The following CAPN5 variants were observed in gnomAD, a reference collection of about 807,000 sequenced individuals.
The protein encoded by CAPN5 is calpain-5.
CAPN5 carries 54 observed loss-of-function variants against 73.0 expected under a neutral mutation model. That is an observed-to-expected ratio of 0.74 (90% CI 0.59 to 0.93). The LOEUF (loss-of-function observed/expected upper bound fraction) is 0.93. CAPN5 is among the 40% of genes least tolerant of loss of function. CAPN5 has a pLI of 0.00. For missense variants in CAPN5, 785 were observed against 882.9 expected, an observed-to-expected ratio of 0.89 and a Z score of 1.41; for synonymous variants, 335 against 356.9, an observed-to-expected ratio of 0.94 and a Z score of 0.69.
At chr11:77,072,537 G>A (rs374207947) in intron 1 of CAPN5, among the ~76,000 whole-genome samples, 3 of 152,196 alleles carry the variant, frequency 2.0e-5, no homozygotes, top group South Asian at 2.1e-4. Flanking sequence ...GTCACTGCCC[G>A]AGGGAGGGGT....
At chr11:77,089,789 G>A (rs993779658) in intron 2 of CAPN5, among the ~76,000 whole-genome samples, 3 of 152,146 alleles carry the variant, frequency 2.0e-5, no homozygotes, top group East Asian at 1.9e-4. Flanking sequence ...CAGGAGAATC[G>A]TTTGAACCCA....
chr11:77,102,878 G>C, intron 3 of CAPN5: 1 of 1,610,162 alleles, frequency 6.2e-7, no homozygotes, highest in Non-Finnish European at 8.5e-7. Flanking sequence ...AGCTGGACAT[G>C]CCGCTGGTCC....
chr11:77,103,814 C>T (rs114927569), intron 3 of CAPN5, among the ~76,000 whole-genome samples: 2,678 of 152,328 alleles, frequency 0.018, 83 homozygotes, highest in African/African-American at 0.061. Context: ...TGCCCTTTGC[C>T]GGAGCCTGTG....
At chr11:77,067,987 A>G (rs782341435) in intron 1 of CAPN5, among the ~76,000 whole-genome samples, 2 of 151,718 alleles carry the variant, frequency 1.3e-5, no homozygotes, top group South Asian at 2.1e-4. Flanking sequence ...TTCTCCCTAC[A>G]CCTGTGGTTT....
rs544668951 is a variant in CAPN5, at chr11:77,101,134, C to G, written c.297+7321C>G. Among the ~76,000 whole-genome samples, 27 of 152,328 alleles carry G rather than the reference C, an allele frequency of 1.8e-4. No individual in the cohort carries two copies. In the South Asian group the frequency reaches 5.6e-3, roughly 32 times the overall value. ...AGTGTCATTCACTCATTCATCCGTT[C>G]ATTCATTCATTCATTCGATCATTCG... On this transcript the variant is annotated intron_variant, in intron 3 of 12. Coordinates refer to ENST00000648180, the MANE Select transcript of CAPN5 (RefSeq NM_004055.5).
chr11:77,068,576 G>T lies in CAPN5; in HGVS notation c.-36+1482G>T, dbSNP rs192224363. Among the ~76,000 whole-genome samples the T allele has an allele frequency of 3.7e-3, 563 of 152,294 alleles. 11 individuals carry two copies. The highest frequency in any genetic ancestry group is 0.034 in the Admixed American group (523 of 15,290). ...AATGAATGCTGGTGGGGTGGATTGC[G>T]GATTAGATAGGTCAGATGTGTGTCC... On this transcript the variant is annotated intron_variant, in intron 1 of 12. Coordinates refer to ENST00000648180, the MANE Select transcript of CAPN5 (RefSeq NM_004055.5).
intron 4 of CAPN5, 168 bp downstream of exon 4, chr11:77,112,965 C>A: frequency 1.5e-6 from 1 of 667,438 alleles, no homozygotes; most frequent in Non-Finnish European, 2.6e-6. Flanking sequence ...TCAGCTGAGC[C>A]TGTGCTGGGT....
At position 77,122,057 on chromosome 11, in the gene CAPN5, C is replaced by G; in HGVS notation, c.1603+8C>G. On this transcript the variant is annotated splice_region_variant and intron_variant, in intron 11 of 12. Coordinates refer to ENST00000648180, the MANE Select transcript of CAPN5 (RefSeq NM_004055.5). ...TCAAGGACTCCCCAACAGGTGAGCT[C>G]TCCCAGGGAGAGTCCCCCGGCCCTC... 6.6e-7 allele frequency: 1 copy of G among 1,513,370 alleles called. No homozygotes were observed. 93.7% of individuals were successfully genotyped at this position (1,513,370 alleles called of 1,614,324 possible). A position where few individuals can be genotyped will look rare whatever the true frequency, so the allele number is the denominator to read the frequency against.
At chr11:77,112,305 G>A (rs561753300) in intron 3 of CAPN5, among the ~76,000 whole-genome samples, 34 of 152,148 alleles carry the variant, frequency 2.2e-4, no homozygotes, top group African/African-American at 7.7e-4. Flanking sequence ...CGGAAGTCTC[G>A]GGGAAGGTTG....
At chr11:77,092,475 G>A (rs544123692) in intron 2 of CAPN5, among the ~76,000 whole-genome samples, 6 of 152,368 alleles carry the variant, frequency 3.9e-5, no homozygotes, top group African/African-American at 1.4e-4. Flanking sequence ...GCAGGGTCAG[G>A]TGCAGAGGGC....
chr11:77,085,803 G>C (rs1477851019), intron 2 of CAPN5, among the ~76,000 whole-genome samples: 2 of 152,166 alleles, frequency 1.3e-5, no homozygotes, highest in Non-Finnish European at 2.9e-5. Flanking sequence ...TGCAGAATGG[G>C]GTCCCTGGTG....
At chr11:77,112,073 G>A (rs782296963) in intron 3 of CAPN5, among the ~76,000 whole-genome samples, 2 of 152,184 alleles carry the variant, frequency 1.3e-5, no homozygotes, top group Admixed American at 6.5e-5. Flanking sequence ...TGCAGACACT[G>A]CTACAGTTGT....
In CAPN5 at chr11:77,119,044, C is replaced by A. The variant is rs1555042244; in HGVS notation, c.1182C>A (p.Val394=). 2 of 1,613,592 alleles carry A rather than the reference C, an allele frequency of 1.2e-6. No individual in the cohort carries two copies. The highest frequency in any genetic ancestry group is 3.3e-5 in the Admixed American group (2 of 59,984). Residue 394 remains valine (V), a synonymous_variant, in exon 9 of 13, where the codon GTC becomes GTA. Transcript: ENST00000648180. ...FFQNPQYIFE[V]KKPEDEVLIC... is the part of the protein sequence containing the mutation. ...CACACCTGCAGTACATCTTCGAAGT[C>A]AAGAAGCCAGAAGATGAAGTCCTGA...
rs782476094 is a variant in CAPN5 at position 77,084,994 on chromosome 11, C to T, written c.108C>T (p.Asp36=). 2.6e-5 allele frequency: 42 copies of T among 1,613,774 alleles called. No homozygotes were observed. Among genetic ancestry groups the T allele is most frequent in the Middle Eastern group, 1.6e-4 (1 of 6,084 alleles). ...LFEDPLFPAT[D]DSLYYKGTPG... ...AGGACCCCCTCTTCCCCGCCACTGA[C>T]GACTCACTCTACTATAAGGGCACGC... Residue 36 remains aspartate, a synonymous_variant, in exon 2 of 13, where the codon GAC becomes GAT. Coordinates refer to ENST00000648180, the MANE Select transcript of CAPN5 (RefSeq NM_004055.5).
intron 3 of CAPN5, among the ~76,000 whole-genome samples, chr11:77,103,486 G>A (rs374772734): frequency 6.6e-6 from 1 of 152,078 alleles, no homozygotes; most frequent in African/African-American, 2.4e-5. Flanking sequence ...TTCCTCCTCT[G>A]CTTCTCCCTG....
At position 77,122,660 on chromosome 11, in the gene CAPN5, A is replaced by G. The variant is rs1950534274; in HGVS notation, c.1688A>G (p.Asn563Ser). ...VQKGTSTPEYNVKGIFYRKKL... is the reference protein window; with the variant it reads ...VQKGTSTPEYSVKGIFYRKKL... ...AAGGGCACCTCCACACCAGAGTACAATGTGAAAGGCATCTTCTACCGCAAG... is the reference window on the plus strand; with the variant it reads ...AAGGGCACCTCCACACCAGAGTACAGTGTGAAAGGCATCTTCTACCGCAAG... Residue 563 changes from asparagine (N) to serine (S), a missense_variant, in exon 12 of 13, where the codon AAT becomes AGT. Coordinates refer to ENST00000648180, the MANE Select transcript of CAPN5 (RefSeq NM_004055.5). 6.2e-7 allele frequency: 1 copy of G among 1,613,958 alleles called. No homozygotes were observed. Among genetic ancestry groups the G allele is most frequent in the Non-Finnish European group, 8.5e-7 (1 of 1,179,952 alleles).
intron 3 of CAPN5, among the ~76,000 whole-genome samples, chr11:77,104,680 C>A (rs940590715): frequency 6.6e-6 from 1 of 152,240 alleles, no homozygotes. Context: ...ACAGCTAAGC[C>A]ACTGTCCCCA....
intron 3 of CAPN5, among the ~76,000 whole-genome samples, chr11:77,106,219 A>G (rs1950346301): frequency 6.6e-6 from 1 of 150,942 alleles, no homozygotes; most frequent in African/African-American, 2.4e-5. Flanking sequence ...TCCCTTTCAC[A>G]CACCCCTCAC....
chr11:77,114,148 A>G, intron 4 of CAPN5, 94 bp from the exon 5 acceptor site: 1 of 1,150,162 alleles, frequency 8.7e-7, no homozygotes, highest in Non-Finnish European at 1.3e-6. Context: ...AGGTTGTTTG[A>G]CCCCTCTGAG....
Sources: gnomAD v4.1 joint callset for allele counts (sites outside exome capture counted in the v4.1 genomes callset) on GRCh38, gnomAD v4.1.1 for gene constraint, MANE v1.5 for transcripts, NCBI Gene and HGNC (gene_info 2026-07-23, HGNC 2026-07-21) for gene names.